Variants in FREM3 observed in about 807,000 individuals in gnomAD.
The protein encoded by FREM3 is FRAS1 related extracellular matrix 3.
In FREM3, 105 loss-of-function variants were observed where a neutral mutation model predicts 129.1. The ratio of observed to expected loss-of-function variants is 0.81; its 90% CI spans 0.69 to 0.96. The LOEUF (loss-of-function observed/expected upper bound fraction) is 0.96, where lower values mean the gene tolerates loss of function less well. Among genes scored for constraint, FREM3 ranks in the 40% least tolerant of loss-of-function variants. FREM3 has a pLI of 0.00. For missense variants in FREM3, 2,593 were observed against 2,666.3 expected, an observed-to-expected ratio of 0.97 and a Z score of 0.61; for synonymous variants, 1,014 against 1,044.9, an observed-to-expected ratio of 0.97 and a Z score of 0.57.
At chr4:143,590,076 C>A (rs1047256436) in intron 6 of FREM3, among the ~76,000 whole-genome samples, 1 of 152,074 alleles carries the variant, frequency 6.6e-6, no homozygotes, top group African/African-American at 2.4e-5. Context: ...GTGATTTTTG[C>A]ACATTGATTT....
Position 143,627,617 on chromosome 4 carries a change from T to C in FREM3, c.5419A>G (p.Ile1807Val). The C allele has an allele frequency of 1.3e-6, 2 of 1,535,960 alleles. No homozygotes were observed. Among genetic ancestry groups the C allele is most frequent in the Non-Finnish European group, 1.7e-6 (2 of 1,145,892 alleles). Reference sequence around the variant, plus strand: ...CAACCAATCCAAAGTTACTTACTGATAAATGATGTTTCTCCAAGGTATCCT... The same window carrying C: ...CAACCAATCCAAAGTTACTTACTGACAAATGATGTTTCTCCAAGGTATCCT... ...RRGYLGETSF[I>V]SIGTKDETAK... The change falls in exon 3 of 8, where the codon ATC becomes GTC. Residue 1807 changes from isoleucine to valine, a missense_variant. By Grantham distance (29) the Ile-to-Val change is conservative (BLOSUM62 3). Around this residue, in one of 2 missense-constraint regions of FREM3, gnomAD observed 2,276 missense variants for 2,267.2 expected, o/e 1.00. Coordinates refer to ENST00000329798, the MANE Select transcript of FREM3 (RefSeq NM_001168235.2).
intron 6 of FREM3, among the ~76,000 whole-genome samples, chr4:143,601,041 T>C (rs1051475224): frequency 2.0e-5 from 3 of 151,436 alleles, no homozygotes; most frequent in Non-Finnish European, 4.4e-5. Context: ...AAAAATAAGA[T>C]CCAAAATTAA....
In FREM3 at chr4:143,695,624, G is replaced by A; in HGVS notation, c.5052C>T (p.Thr1684=). The change falls in exon 1 of 8, where the codon ACC becomes ACT. Residue 1684 remains threonine (T), a synonymous_variant. Transcript: ENST00000329798. ...LHTGHMGFLI[T]SKSLKAEDQD... ...GATCTTCTGCCTTCAGAGACTTGCTGGTAATCAGGAAGCCCATGTGTCCAG... is the reference window on the plus strand; with the variant it reads ...GATCTTCTGCCTTCAGAGACTTGCTAGTAATCAGGAAGCCCATGTGTCCAG... The A allele has an allele frequency of 1.3e-6, 2 of 1,537,280 alleles. No individual in the cohort carries two copies. Among genetic ancestry groups the A allele is most frequent in the Non-Finnish European group, 1.7e-6 (2 of 1,146,928 alleles).
chr4:143,700,508 G>T lies in FREM3; in HGVS notation c.168C>A (p.Arg56=). Reference sequence around the variant, plus strand: ...CAATCAGCACGCTGGGGCCGTCGGGGCGAGTGCCGTCAAGCGCACCCCGGG... The same window carrying T: ...CAATCAGCACGCTGGGGCCGTCGGGTCGAGTGCCGTCAAGCGCACCCCGGG... ...LPARGALDGT[R]PDGPSVLIAN... The change falls in exon 1 of 8, where the codon CGC becomes CGA. Residue 56 remains arginine (R), a synonymous_variant. Transcript: ENST00000329798. 2.0e-6 allele frequency: 3 copies of T among 1,517,386 alleles called. No individual in the cohort carries two copies. Among genetic ancestry groups the T allele is most frequent in the Non-Finnish European group, 2.6e-6 (3 of 1,135,658 alleles). The allele number at this position is 1,517,386 out of a possible 1,614,324, so 94.0% of individuals were successfully genotyped here.
At chr4:143,620,780 C>T (rs536657019) in intron 5 of FREM3, among the ~76,000 whole-genome samples, 1 of 152,316 alleles carries the variant, frequency 6.6e-6, no homozygotes, top group East Asian at 1.9e-4. Flanking sequence ...CTAGCCCCTT[C>T]GTGGGGTAGT....
Position 143,699,443 on chromosome 4 carries a change from T to A in FREM3, c.1233A>T (p.Gly411=). 4 of 1,537,286 alleles carry A rather than the reference T, an allele frequency of 2.6e-6. No individual in the cohort carries two copies. The highest frequency in any genetic ancestry group is 3.5e-6 in the Non-Finnish European group (4 of 1,146,922). The change falls in exon 1 of 8, where the codon GGA becomes GGT. Residue 411 remains glycine, a synonymous_variant. Transcript: ENST00000329798. This position sits in a 1 kb window ranked among gnomAD's most constrained non-coding sequence, Gnocchi z 4.2. The part of the protein sequence containing the change: ...LFQLELEVVD[G]DGAASDPFAF... ...CAAAGGGGTCTGAGGCGGCGCCGTCTCCGTCCACCACCTCCAGCTCCAGCT... is the reference window on the plus strand; with the variant it reads ...CAAAGGGGTCTGAGGCGGCGCCGTCACCGTCCACCACCTCCAGCTCCAGCT...
chr4:143,619,124 G>A (rs1418495571), intron 5 of FREM3, among the ~76,000 whole-genome samples: 1 of 152,156 alleles, frequency 6.6e-6, no homozygotes, highest in East Asian at 1.9e-4. Context: ...CTGCTTGAGT[G>A]CCCAAAGAGT....
At chr4:143,598,356 G>A (rs563392903) in intron 6 of FREM3, among the ~76,000 whole-genome samples, 4 of 152,202 alleles carry the variant, frequency 2.6e-5, no homozygotes, top group East Asian at 1.9e-4. Flanking sequence ...TCTTTTCCCC[G>A]TCCACTCACT....
At chr4:143,693,266 A>G (rs1740506277) in intron 1 of FREM3, 64 bp from the exon 2 acceptor site, 2 of 748,862 alleles carry the variant, frequency 2.7e-6, no homozygotes, top group Non-Finnish European at 2.1e-6. Flanking sequence ...TATGTTAACA[A>G]CTTCAAAGTT....
Position 143,696,681 on chromosome 4 carries a change from G to A in FREM3, c.3995C>T (p.Ala1332Val). 1 of 1,537,792 alleles carries A rather than the reference G, an allele frequency of 6.5e-7. No individual in the cohort carries two copies. Among genetic ancestry groups the A allele is most frequent in the South Asian group, 1.2e-5 (1 of 84,048 alleles). The change falls in exon 1 of 8, where the codon GCC becomes GTC. Residue 1332 changes from alanine (A) to valine (V), a missense_variant. Ala to Val is a moderately conservative substitution (Grantham distance 64). Coordinates refer to ENST00000329798, the MANE Select transcript of FREM3 (RefSeq NM_001168235.2). Reference protein sequence around the residue: ...SEIITNRILKATDLDSDDKSL... With the variant: ...SEIITNRILKVTDLDSDDKSL... ...TTTATCATCTGAGTCAAGATCTGTG[G>A]CCTTGAGGATCCGATTTGTGATGAT...
At chr4:143,644,327 T>C (rs1739376941) in intron 2 of FREM3, among the ~76,000 whole-genome samples, 1 of 152,174 alleles carries the variant, frequency 6.6e-6, no homozygotes, top group Admixed American at 6.5e-5. Context: ...ATACGTGAGC[T>C]CTTTCCATTT....
At position 143,695,484 on chromosome 4, in the gene FREM3, T is replaced by C. The variant is rs1162614535; in HGVS notation, c.5185+7A>G. 14 of 1,534,232 alleles carry C rather than the reference T, an allele frequency of 9.1e-6. No homozygotes were observed. Among genetic ancestry groups the C allele is most frequent in the South Asian group, 1.2e-5 (1 of 83,580 alleles). ...GACAGAATAGGCAGGGAAGAATACA[T>C]ACTAACCTTGTGTAAACACTCGAGT... On this transcript the variant is annotated splice_region_variant and intron_variant, in intron 1 of 7. Transcript: ENST00000329798.
At chr4:143,661,010 T>A (rs1313797818) in intron 2 of FREM3, among the ~76,000 whole-genome samples, 1 of 152,200 alleles carries the variant, frequency 6.6e-6, no homozygotes, top group East Asian at 1.9e-4. Context: ...TTTCTAGATA[T>A]ACAATCATGT....
intron 2 of FREM3, among the ~76,000 whole-genome samples, chr4:143,648,476 T>C (rs1293505796): frequency 6.6e-6 from 1 of 152,168 alleles, no homozygotes; most frequent in Non-Finnish European, 1.5e-5. Context: ...ATAATCCCCA[T>C]GTGTCAAGGG....
intron 6 of FREM3, among the ~76,000 whole-genome samples, chr4:143,603,031 G>A (rs1395672811): frequency 6.6e-6 from 1 of 152,152 alleles, no homozygotes; most frequent in East Asian, 1.9e-4. Context: ...TTGCCCAGTA[G>A]AGCCTCCTTT....
chr4:143,650,249 C>T (rs1172445421), intron 2 of FREM3, among the ~76,000 whole-genome samples: 2 of 152,098 alleles, frequency 1.3e-5, no homozygotes, highest in Admixed American at 1.3e-4. Context: ...TGTTGTTTTG[C>T]CTGAATAGAT....
At chr4:143,600,650 T>C (rs893187139) in intron 6 of FREM3, among the ~76,000 whole-genome samples, 3 of 152,176 alleles carry the variant, frequency 2.0e-5, no homozygotes, top group African/African-American at 7.2e-5. Context: ...AAGGTTACCT[T>C]CAAATATAAA....
intron 2 of FREM3, among the ~76,000 whole-genome samples, chr4:143,691,803 G>A (rs1003519195): frequency 5.9e-5 from 9 of 152,166 alleles, no homozygotes; most frequent in Non-Finnish European, 1.3e-4. Context: ...TGTCCACAAA[G>A]CATAGTGTGA....
chr4:143,629,502 T>C (rs1243761610), intron 2 of FREM3, among the ~76,000 whole-genome samples: 2 of 152,152 alleles, frequency 1.3e-5, no homozygotes, highest in Non-Finnish European at 2.9e-5. Flanking sequence ...TTGATACTAT[T>C]GTGGATATTC....
Sources: allele counts gnomAD v4.1 joint callset (sites outside exome capture counted in the v4.1 genomes callset), GRCh38; gene constraint gnomAD v4.1.1; regional missense constraint gnomAD v4.1.1; non-coding constraint Gnocchi (gnomAD v3.1); transcripts MANE v1.5; gene names NCBI Gene and HGNC (gene_info 2026-07-23, HGNC 2026-07-21).